The following SERINC5 variants were observed in gnomAD, a reference collection of about 807,000 sequenced individuals.
The protein encoded by SERINC5 is chromosome 5 open reading frame 12.
Under a neutral mutation model 63.1 loss-of-function variants are expected in SERINC5, and 41 were observed. The observed-to-expected ratio is 0.65, with a 90% CI of 0.51 to 0.84. The LOEUF is 0.84. SERINC5 is among the 40% of genes least tolerant of loss of function. SERINC5 has a pLI of 0.00. For synonymous variants in SERINC5, 222 were observed against 215.2 expected, an observed-to-expected ratio of 1.03 and a Z score of -0.28; for missense variants, 523 against 573.0, an observed-to-expected ratio of 0.91 and a Z score of 0.89.
Position 80,177,295 on chromosome 5 carries a change from C to G in SERINC5, c.457+20G>C. 6.4e-7 allele frequency: 1 copy of G among 1,568,140 alleles called. No individual in the cohort carries two copies. Among genetic ancestry groups the G allele is most frequent in the East Asian group, 2.3e-5 (1 of 44,310 alleles). On this transcript the variant is annotated intron_variant, in intron 4 of 11. Coordinates refer to ENST00000507668, the MANE Select transcript of SERINC5 (RefSeq NM_001174072.3). Reference sequence around the variant, plus strand: ...GGGTAAAAACAAAATAAACAGATACCCAAAATACCCCATTAGTACCGTTCA... The same window carrying G: ...GGGTAAAAACAAAATAAACAGATACGCAAAATACCCCATTAGTACCGTTCA...
intron 1 of SERINC5, among the ~76,000 whole-genome samples, chr5:80,206,551 A>G (rs954190060): frequency 2.6e-5 from 4 of 152,072 alleles, no homozygotes; most frequent in Admixed American, 2.0e-4. Flanking sequence ...TTGTAAAAGA[A>G]GACATTCTAC....
intron 1 of SERINC5, among the ~76,000 whole-genome samples, chr5:80,231,985 C>T (rs1751458575): frequency 6.6e-6 from 1 of 151,724 alleles, no homozygotes; most frequent in South Asian, 2.1e-4. Context: ...TCCTGTGGTC[C>T]CAGCTACATG....
At chr5:80,129,049 G>A (rs1291843743) in intron 11 of SERINC5, 4 of 152,206 alleles carry the variant, frequency 2.6e-5, no homozygotes, top group African/African-American at 7.2e-5. Flanking sequence ...TGATTGTCCA[G>A]CTTAGATGGA....
intron 1 of SERINC5, among the ~76,000 whole-genome samples, chr5:80,235,646 G>A (rs1017723261): frequency 1.3e-5 from 2 of 152,050 alleles, no homozygotes; most frequent in Admixed American, 1.3e-4. Flanking sequence ...GCCCAGGCTG[G>A]AGTGCAGTGG....
intron 1 of SERINC5, among the ~76,000 whole-genome samples, chr5:80,214,494 T>C (rs1226624346): frequency 2.0e-5 from 3 of 151,760 alleles, no homozygotes; most frequent in Non-Finnish European, 1.5e-5. Context: ...AAATCAAACC[T>C]ACTTCAATGT....
At chr5:80,193,546 C>A (rs1210031214) in intron 2 of SERINC5, among the ~76,000 whole-genome samples, 1 of 152,178 alleles carries the variant, frequency 6.6e-6, no homozygotes, top group Non-Finnish European at 1.5e-5. Flanking sequence ...ACCTGGTGCT[C>A]CCGCAAACGT....
chr5:80,126,083 T>C (rs73125912), intron 11 of SERINC5, among the ~76,000 whole-genome samples: 2,363 of 152,130 alleles, frequency 0.016, 49 homozygotes, highest in African/African-American at 0.054. Flanking sequence ...GAAGAGTACT[T>C]TGGAGTCATT....
chr5:80,227,625 G>A (rs1204241216), intron 1 of SERINC5, among the ~76,000 whole-genome samples: 2 of 134,570 alleles, frequency 1.5e-5, no homozygotes, highest in Admixed American at 7.4e-5. Flanking sequence ...AAAAAGAATC[G>A]CATGTGTAGA....
intron 1 of SERINC5, among the ~76,000 whole-genome samples, chr5:80,252,107 G>A (rs1232644830): frequency 1.4e-5 from 2 of 139,690 alleles, no homozygotes; most frequent in African/African-American, 5.4e-5. Flanking sequence ...CTGTTGCTCA[G>A]GCTAGGGTGC....
downstream of SERINC5, among the ~76,000 whole-genome samples, chr5:80,135,182 T>C (rs1224355663): frequency 6.6e-6 from 1 of 152,156 alleles, no homozygotes; most frequent in African/African-American, 2.4e-5. Flanking sequence ...TATAGGCACA[T>C]GCCACCAAGC....
chr5:80,170,480 G>C (rs957294628), intron 5 of SERINC5, among the ~76,000 whole-genome samples: 1 of 152,166 alleles, frequency 6.6e-6, no homozygotes, highest in African/African-American at 2.4e-5. Flanking sequence ...ATGGGCAGGT[G>C]GGGGGAGACA....
At chr5:80,224,591 T>C (rs1242439010) in intron 1 of SERINC5, among the ~76,000 whole-genome samples, 1 of 152,072 alleles carries the variant, frequency 6.6e-6, no homozygotes, top group East Asian at 1.9e-4. Flanking sequence ...GAAACAATAG[T>C]AACAGAAGCA....
intron 1 of SERINC5, among the ~76,000 whole-genome samples, chr5:80,232,335 T>C (rs921457508): frequency 3.3e-5 from 5 of 149,304 alleles, no homozygotes; most frequent in Non-Finnish European, 5.9e-5. Context: ...ACCCGGGATG[T>C]GGAGCTTGCA....
At chr5:80,178,537 A>ATTTTTTT (rs1182662594) in intron 2 of SERINC5, among the ~76,000 whole-genome samples, 100 of 77,520 alleles carry the variant, frequency 1.3e-3, no homozygotes, top group Non-Finnish European at 2.0e-3. Flanking sequence ...TAATTTTTGT[A>ATTTTTTT]TTTTTTTTTT....
intron 1 of SERINC5, among the ~76,000 whole-genome samples, chr5:80,250,621 C>A (rs577080728): frequency 6.6e-6 from 1 of 152,176 alleles, no homozygotes; most frequent in Admixed American, 6.5e-5. Flanking sequence ...CCACCATGCC[C>A]GGCCTGGAAT....
At chr5:80,250,413 C>T in intron 1 of SERINC5, among the ~76,000 whole-genome samples, 1 of 152,208 alleles carries the variant, frequency 6.6e-6, no homozygotes, top group East Asian at 1.9e-4. Context: ...ATGATCTTGG[C>T]TCACAGCAAC....
intron 1 of SERINC5, among the ~76,000 whole-genome samples, chr5:80,226,783 G>GT (rs1309596641): frequency 3.9e-5 from 6 of 152,128 alleles, no homozygotes; most frequent in Admixed American, 3.9e-4. Flanking sequence ...GCCAGGTAGG[G>GT]TCCTCAGTTC....
rs1039391964 is a variant in SERINC5, at chr5:80,256,023, A to T, written c.-101T>A. 37 of 1,220,800 alleles carry T rather than the reference A, an allele frequency of 3.0e-5. No homozygotes were observed. The highest frequency in any genetic ancestry group is 3.8e-5 in the Non-Finnish European group (35 of 923,464). The allele number at this position is 1,220,800 out of a possible 1,614,324, so 75.6% of individuals were successfully genotyped here. On this transcript the variant is annotated 5_prime_UTR_variant, in exon 1 of 12. Coordinates refer to ENST00000507668, the MANE Select transcript of SERINC5 (RefSeq NM_001174072.3). ...AGCGCTGGGCTCAGCCGCAGCTCAC[A>T]CTTGAACGAAGATCAGCCTCGGCGA...
At chr5:80,188,059 T>A (rs1580136252) in intron 2 of SERINC5, among the ~76,000 whole-genome samples, 1 of 151,830 alleles carries the variant, frequency 6.6e-6, no homozygotes, top group South Asian at 2.1e-4. Context: ...CCGAGGCAGG[T>A]GGATCATGAG....
Sources: gnomAD v4.1 joint callset for allele counts (sites outside exome capture counted in the v4.1 genomes callset) on GRCh38, gnomAD v4.1.1 for gene constraint, MANE v1.5 for transcripts, NCBI Gene and HGNC (gene_info 2026-07-23, HGNC 2026-07-21) for gene names.